The following CDH4 variants were observed in gnomAD, a reference collection of about 807,000 sequenced individuals.
The protein encoded by CDH4 is cadherin 4.
A neutral mutation model predicts 86.0 loss-of-function variants in CDH4; 33 were observed. That is an observed-to-expected ratio of 0.38 (90% CI 0.29 to 0.51). The LOEUF is 0.51. CDH4 is among the 20% of genes least tolerant of loss of function. CDH4 has a pLI of 0.86. For synonymous variants in CDH4, 555 were observed against 549.4 expected (o/e 1.01, Z -0.14); for missense variants, 1,114 against 1,307.4 (o/e 0.85, Z 2.28).
chr20:61,746,031 G>A (rs531597468), intron 3 of CDH4, among the ~76,000 whole-genome samples: 16 of 152,286 alleles, frequency 1.1e-4, no homozygotes, highest in African/African-American at 3.4e-4. Flanking sequence ...CAGCGGAGCA[G>A]GGGACACTGA....
At chr20:61,258,338 A>AAAAAAAG (rs1284688461) in intron 2 of CDH4, among the ~76,000 whole-genome samples, 14 of 146,056 alleles carry the variant, frequency 9.6e-5, no homozygotes, top group South Asian at 2.1e-4. Flanking sequence ...TCAAAAAAAA[A>AAAAAAAG]AAAAAAAGAA....
chr20:61,906,105 C>T (rs1292710805), intron 8 of CDH4, among the ~76,000 whole-genome samples: 1 of 152,240 alleles, frequency 6.6e-6, no homozygotes, highest in Non-Finnish European at 1.5e-5. Context: ...GAACTGACCC[C>T]TAATTGGCTG....
chr20:61,934,327 G>A (rs1600793791), intron 15 of CDH4, 107 bp downstream of exon 15: 6 of 1,279,746 alleles, frequency 4.7e-6, no homozygotes, highest in Admixed American at 6.2e-5. Flanking sequence ...GGCTGCCGTG[G>A]GTGGGAGGCA....
chr20:61,817,993 C>T (rs1980815740), intron 4 of CDH4, among the ~76,000 whole-genome samples: 3 of 152,166 alleles, frequency 2.0e-5, no homozygotes, highest in Admixed American at 6.5e-5. Context: ...ACACCTGGGG[C>T]AGCTGCCCTG....
intron 15 of CDH4, among the ~76,000 whole-genome samples, chr20:61,934,934 G>A (rs1453518995): frequency 6.6e-6 from 1 of 152,252 alleles, no homozygotes; most frequent in Admixed American, 6.5e-5. Flanking sequence ...AATGTCGCCA[G>A]GGCAACACTC....
intron 2 of CDH4, among the ~76,000 whole-genome samples, chr20:61,527,009 C>A (rs554365089): frequency 6.6e-6 from 1 of 152,388 alleles, no homozygotes; most frequent in South Asian, 2.1e-4. Flanking sequence ...AGCCCCGCAC[C>A]GGGACCTTCC....
intron 2 of CDH4, among the ~76,000 whole-genome samples, chr20:61,397,359 C>T (rs916654840): frequency 2.0e-5 from 3 of 148,804 alleles, no homozygotes; most frequent in African/African-American, 7.3e-5. Flanking sequence ...GGGGTGGTGG[C>T]CAGGTCCCGA....
intron 2 of CDH4, among the ~76,000 whole-genome samples, chr20:61,460,216 A>G (rs1285606723): frequency 1.3e-5 from 2 of 152,206 alleles, no homozygotes; most frequent in African/African-American, 2.4e-5. Context: ...CCAGGTGCCC[A>G]CTGTCGGACT....
chr20:61,482,422 G>A (rs1227421368), intron 2 of CDH4, among the ~76,000 whole-genome samples: 1 of 152,228 alleles, frequency 6.6e-6, no homozygotes, highest in African/African-American at 2.4e-5. Flanking sequence ...CAGGTGCCAG[G>A]AAGGGTGAGG....
chr20:61,777,306 G>C (rs985732419), intron 4 of CDH4, among the ~76,000 whole-genome samples: 38 of 152,290 alleles, frequency 2.5e-4, no homozygotes, highest in African/African-American at 9.1e-4. Context: ...CTGTTGTGCT[G>C]GGCACCCATC....
chr20:61,310,476 T>C (rs923250465), intron 2 of CDH4, among the ~76,000 whole-genome samples: 9 of 152,156 alleles, frequency 5.9e-5, no homozygotes, highest in African/African-American at 2.2e-4. Context: ...AGCGTGCACC[T>C]TGGATCCCTC....
intron 2 of CDH4, among the ~76,000 whole-genome samples, chr20:61,365,114 A>G (rs1162821958): frequency 6.6e-6 from 1 of 152,248 alleles, no homozygotes; most frequent in Non-Finnish European, 1.5e-5. Flanking sequence ...TTTGGAGTCT[A>G]TAATGCACCT....
intron 11 of CDH4, among the ~76,000 whole-genome samples, chr20:61,927,114 C>T (rs1568893444): frequency 6.6e-6 from 1 of 152,200 alleles, no homozygotes; most frequent in African/African-American, 2.4e-5. Flanking sequence ...ACGCAGCTTC[C>T]GGAAGATTAA....
At chr20:61,590,881 G>GGT (rs1568700986) in intron 2 of CDH4, among the ~76,000 whole-genome samples, 3 of 152,224 alleles carry the variant, frequency 2.0e-5, no homozygotes, top group Non-Finnish European at 2.9e-5. Context: ...ATCTATGGGG[G>GGT]GGGGGGTCCC....
At chr20:61,657,677 A>C (rs987990192) in intron 2 of CDH4, among the ~76,000 whole-genome samples, 1 of 152,232 alleles carries the variant, frequency 6.6e-6, no homozygotes, top group Non-Finnish European at 1.5e-5. Flanking sequence ...TTGTGCATTG[A>C]CATCTGTGCT....
intron 2 of CDH4, among the ~76,000 whole-genome samples, chr20:61,403,031 A>C (rs1317385): frequency 3.3e-5 from 5 of 152,032 alleles, no homozygotes; most frequent in Non-Finnish European, 7.4e-5. Context: ...AAGTGGAAAC[A>C]TTTTGTGGGA....
At chr20:61,433,089 T>C (rs2085257455) in intron 2 of CDH4, among the ~76,000 whole-genome samples, 1 of 152,178 alleles carries the variant, frequency 6.6e-6, no homozygotes, top group Non-Finnish European at 1.5e-5. Flanking sequence ...TCCGCCTGCC[T>C]TGGCCTCCCA....
chr20:61,260,062 C>A (rs2084120435), intron 2 of CDH4, among the ~76,000 whole-genome samples: 1 of 152,152 alleles, frequency 6.6e-6, no homozygotes, highest in South Asian at 2.1e-4. Context: ...AAAATAAGGT[C>A]AAAACACCAC....
intron 7 of CDH4, among the ~76,000 whole-genome samples, chr20:61,891,692 C>A (rs916783862): frequency 6.6e-6 from 1 of 152,200 alleles, no homozygotes; most frequent in African/African-American, 2.4e-5. Context: ...TGGGCCTGGT[C>A]ACCAAGCCAC....
Sources: allele counts gnomAD v4.1 joint callset (sites outside exome capture counted in the v4.1 genomes callset), GRCh38; gene constraint gnomAD v4.1.1; transcripts MANE v1.5; gene names NCBI Gene and HGNC (gene_info 2026-07-23, HGNC 2026-07-21).